The following ARHGEF5 variants were observed in gnomAD, a reference collection of about 807,000 sequenced individuals.
ARHGEF5 encodes the protein Rho guanine nucleotide exchange factor (GEF) 5.
In ARHGEF5, 11 loss-of-function variants were observed where a neutral mutation model predicts 104.0. The ratio of observed to expected loss-of-function variants is 0.11; its 90% CI spans 0.07 to 0.18. ARHGEF5 has a LOEUF of 0.18. ARHGEF5 is among the 10% of genes least tolerant of loss of function. ARHGEF5 has a pLI of 1.00. For synonymous variants in ARHGEF5, 60 were observed against 512.2 expected (o/e 0.12, Z 11.92); for missense variants, 165 against 1,335.4 (o/e 0.12, Z 13.66).
chr7:144,375,041 AAAAC>A, intron 11 of ARHGEF5, 152 bp downstream of exon 11: 1 of 364,088 alleles, frequency 2.7e-6, no homozygotes. Context: ...AGAGAAGAGA[AAAAC>A]AAGCCCAAAG....
Position 144,380,201 on chromosome 7 carries a change from C to G in ARHGEF5, c.*145C>G. 9.3e-7 allele frequency: 1 copy of G among 1,076,588 alleles called. No homozygotes were observed. 66.7% of individuals were successfully genotyped at this position (1,076,588 alleles called of 1,614,324 possible). On this transcript the variant is annotated 3_prime_UTR_variant, in exon 15 of 15. Coordinates refer to ENST00000056217, the MANE Select transcript of ARHGEF5 (RefSeq NM_005435.4). ...GGACAAAATCCAGCTAACCCAGTCCCTCGGCCCAGGCCTCCTTTCGTGCTT... is the reference window on the plus strand; with the variant it reads ...GGACAAAATCCAGCTAACCCAGTCCGTCGGCCCAGGCCTCCTTTCGTGCTT...
chr7:144,379,083 G>A (rs923249042), intron 14 of ARHGEF5, among the ~76,000 whole-genome samples: 9 of 152,304 alleles, frequency 5.9e-5, no homozygotes, highest in African/African-American at 1.4e-4. Context: ...AGATCCTTCC[G>A]TACCTTTTCC....
At chr7:144,373,059 T>C (rs1158138903) in intron 9 of ARHGEF5, 136 bp from the exon 10 acceptor site, 1 of 745,652 alleles carries the variant, frequency 1.3e-6, no homozygotes, top group African/African-American at 1.9e-5. Context: ...TTGTGCTTGA[T>C]ACTGCCTGCC....
rs1308458312 is a variant in ARHGEF5 at position 144,363,680 on chromosome 7, G to C, written c.1011G>C (p.Arg337Ser). 6.7e-7 allele frequency: 1 copy of C among 1,500,484 alleles called. No homozygotes were observed. The highest frequency in any genetic ancestry group is 1.4e-5 in the African/African-American group (1 of 69,478). 92.9% of individuals were successfully genotyped at this position (1,500,484 alleles called of 1,614,324 possible). Residue 337 changes from arginine to serine, a missense_variant, in exon 2 of 15, where the codon AGG becomes AGC. Transcript: ENST00000056217. ...AGCTGCAGGTGCCAGAAGAGAATAG[G>C]GCGGACTCTCAGGACGAAAAGAGTC... Reference protein sequence around the residue: ...KRELQVPEENRADSQDEKSQT... With the variant: ...KRELQVPEENSADSQDEKSQT...
At chr7:144,370,656 G>A (rs1289231185) in intron 5 of ARHGEF5, among the ~76,000 whole-genome samples, 1 of 148,972 alleles carries the variant, frequency 6.7e-6, no homozygotes, top group Non-Finnish European at 1.5e-5. Flanking sequence ...TGTAGAGACA[G>A]GGTCTCTCTA....
chr7:144,360,941 CA>C (rs1422580533), intron 1 of ARHGEF5, among the ~76,000 whole-genome samples: 6 of 146,026 alleles, frequency 4.1e-5, no homozygotes, highest in Admixed American at 3.4e-4. Context: ...GTTAAAAGAT[CA>C]GGGGAGGCCA....
Position 144,379,904 on chromosome 7 carries a change from C to A in ARHGEF5, c.4642C>A (p.Leu1548Met), listed in dbSNP as rs756733119. ...MVTQQSSDGW[L>M]EGVRLSDGER... ...CACTCACCCTGTGCCCACAGGCTGGCTGGAGGGCGTGAGGCTCTCAGACGG... is the reference window on the plus strand; with the variant it reads ...CACTCACCCTGTGCCCACAGGCTGGATGGAGGGCGTGAGGCTCTCAGACGG... The change falls in exon 15 of 15, where the codon CTG (leucine) becomes ATG (methionine). Residue 1548 changes from leucine to methionine, a missense_variant. Physicochemically the swap from Leu to Met is conservative, Grantham distance 15. Coordinates refer to ENST00000056217, the MANE Select transcript of ARHGEF5 (RefSeq NM_005435.4). 9 of 1,614,150 alleles carry A rather than the reference C, an allele frequency of 5.6e-6. No homozygotes were observed. Among genetic ancestry groups the A allele is most frequent in the Non-Finnish European group, 6.8e-6 (8 of 1,180,012 alleles).
rs62485525 is a variant in ARHGEF5, at chr7:144,363,193, A to G, written c.524A>G (p.Asp175Gly). Residue 175 changes from aspartate (D) to glycine (G), a missense_variant, in exon 2 of 15, where the codon GAT (aspartate) becomes GGT (glycine). Physicochemically the swap from Asp to Gly is moderately conservative, Grantham distance 94. Transcript: ENST00000056217. Reference protein sequence around the residue: ...QAEEEEETSSDNSGQTRYYSP... With the variant: ...QAEEEEETSSGNSGQTRYYSP... ...GAAGAAGAAGAGGAAACCTCTTCAG[A>G]TAACTCTGGTCAGACCAGATATTAT... is the stretch of plus-strand genomic sequence containing the variant. 0.13 allele frequency: 185,614 copies of G among 1,472,376 alleles called. 3,130 individuals carry two copies. The highest frequency in any genetic ancestry group is 0.39 in the East Asian group (13,835 of 35,164). 91.2% of individuals were successfully genotyped at this position (1,472,376 alleles called of 1,614,324 possible).
At chr7:144,377,023 C>G in intron 12 of ARHGEF5, 97 bp from the exon 13 acceptor site, 1 of 606,800 alleles carries the variant, frequency 1.6e-6, no homozygotes, top group South Asian at 2.0e-5. Context: ...AGTCATGGAA[C>G]TAGATAAGTC....
rs2053791210 is a variant in ARHGEF5, at chr7:144,380,182, A to C, written c.*126A>C. 4 of 1,282,446 alleles carry C rather than the reference A, an allele frequency of 3.1e-6. No homozygotes were observed. Among genetic ancestry groups the C allele is most frequent in the Non-Finnish European group, 4.3e-6 (4 of 929,326 alleles). 79.4% of individuals were successfully genotyped at this position (1,282,446 alleles called of 1,614,324 possible). A position where few individuals can be genotyped will look rare whatever the true frequency, so the allele number is the denominator to read the frequency against. On this transcript the variant is annotated 3_prime_UTR_variant, in exon 15 of 15. Transcript: ENST00000056217. ...AGGCCTTCTCAAAGCTCAAGGACAA[A>C]ATCCAGCTAACCCAGTCCCTCGGCC...
intron 14 of ARHGEF5, among the ~76,000 whole-genome samples, chr7:144,379,609 A>C (rs1450936022): frequency 6.6e-6 from 1 of 152,214 alleles, no homozygotes; most frequent in Non-Finnish European, 1.5e-5. Context: ...ATTTGTGGCA[A>C]CCTCATTCCC....
In ARHGEF5 at chr7:144,378,767, C is replaced by A; in HGVS notation, c.4537C>A (p.Pro1513Thr). ...CACACTCTTCTCTTCCAAAGACTCC[C>A]CCCAGGTACAGTGCCTTCGAGCCTA... is the stretch of plus-strand genomic sequence containing the variant. ...ELDLLECYNSPQVQCLRAYKP... is the reference protein window; with the variant it reads ...ELDLLECYNSTQVQCLRAYKP... Residue 1513 changes from proline (P) to threonine (T), a missense_variant, in exon 14 of 15, where the codon CCC becomes ACC. Transcript: ENST00000056217. The A allele has an allele frequency of 6.2e-7, 1 of 1,613,900 alleles. No individual in the cohort carries two copies. The highest frequency in any genetic ancestry group is 8.5e-7 in the Non-Finnish European group (1 of 1,179,860).
At chr7:144,377,527 C>T (rs534043500) in intron 13 of ARHGEF5, among the ~76,000 whole-genome samples, 13 of 151,984 alleles carry the variant, frequency 8.6e-5, no homozygotes, top group East Asian at 5.8e-4. Context: ...GAAAGCCTGA[C>T]GGTGGTAGAA....
At position 144,363,563 on chromosome 7, in the gene ARHGEF5, G is replaced by A; in HGVS notation, c.894G>A (p.Glu298=). The change falls in exon 2 of 15, where the codon GAG becomes GAA. Residue 298 remains glutamate (E), a synonymous_variant. Coordinates refer to ENST00000056217, the MANE Select transcript of ARHGEF5 (RefSeq NM_005435.4). ...GERMGLTGEP[E]GLNDGEWEQE... is the part of the protein sequence containing the mutation. ...GAATGGGGCTCACTGGGGAGCCAGA[G>A]GGTCTGAATGACGGTGAGTGGGAGC... The A allele has an allele frequency of 6.7e-7, 1 of 1,500,830 alleles. No homozygotes were observed. The highest frequency in any genetic ancestry group is 9.2e-7 in the Non-Finnish European group (1 of 1,083,908). 93.0% of individuals were successfully genotyped at this position (1,500,830 alleles called of 1,614,324 possible). A position where few individuals can be genotyped will look rare whatever the true frequency, so the allele number is the denominator to read the frequency against.
At chr7:144,356,938 TCATTTGTGGTGTCTGGAGAGGTCAGTCG>T (rs2053598699) in intron 1 of ARHGEF5, among the ~76,000 whole-genome samples, 1 of 53,470 alleles carries the variant, frequency 1.9e-5, no homozygotes, top group African/African-American at 9.9e-5. Flanking sequence ...CAGGAATACG[TCATTTGTGGTGTCTGGAGAGGTCAGTCG>T]CTATGTGGTA....
chr7:144,378,814 A>G lies in ARHGEF5; in HGVS notation c.4584A>G (p.Glu1528=), dbSNP rs772813619. 2 of 1,614,096 alleles carry G rather than the reference A, an allele frequency of 1.2e-6. No homozygotes were observed. Among genetic ancestry groups the G allele is most frequent in the Non-Finnish European group, 1.7e-6 (2 of 1,179,974 alleles). Residue 1528 remains glutamate (E), a synonymous_variant, in exon 14 of 15, where the codon GAA becomes GAG. Coordinates refer to ENST00000056217, the MANE Select transcript of ARHGEF5 (RefSeq NM_005435.4). ...LRAYKPREND[E]LALEKADVVM... ...CCTACAAGCCCCGAGAGAATGATGAATTGGCACTGGAGAAAGCCGACGTGG... is the reference window on the plus strand; with the variant it reads ...CCTACAAGCCCCGAGAGAATGATGAGTTGGCACTGGAGAAAGCCGACGTGG...
intron 14 of ARHGEF5, among the ~76,000 whole-genome samples, 159 bp downstream of exon 14, chr7:144,379,025 C>T (rs1279342844): frequency 1.3e-5 from 2 of 152,110 alleles, no homozygotes; most frequent in African/African-American, 4.8e-5. Context: ...CAAGAAGTCC[C>T]AAATCAAGGT....
intron 13 of ARHGEF5, 123 bp downstream of exon 13, chr7:144,377,313 A>G: frequency 6.6e-7 from 1 of 1,520,274 alleles, no homozygotes; most frequent in Non-Finnish European, 8.9e-7. Context: ...GTAAAATGTC[A>G]GGGTGGAAGA....
chr7:144,378,656 A>C (rs1635079), intron 13 of ARHGEF5, 106 bp from the exon 14 acceptor site: 2 of 857,314 alleles, frequency 2.3e-6, no homozygotes, highest in Non-Finnish European at 3.7e-6. Flanking sequence ...AACAGCCCAA[A>C]TCTGTCTCTA....
Sources: gnomAD v4.1 joint callset for allele counts (sites outside exome capture counted in the v4.1 genomes callset) on GRCh38, gnomAD v4.1.1 for gene constraint, MANE v1.5 for transcripts, NCBI Gene and HGNC (gene_info 2026-07-23, HGNC 2026-07-21) for gene names.